The following RNMT variants were observed in gnomAD, a reference collection of about 807,000 sequenced individuals.
RNMT encodes the protein RNA guanine-7 methyltransferase.
Under a neutral mutation model 56.0 loss-of-function variants are expected in RNMT, and 27 were observed. The observed-to-expected ratio is 0.48, with a 90% CI of 0.36 to 0.67. The LOEUF (loss-of-function observed/expected upper bound fraction) is 0.67, where lower values mean the gene tolerates loss of function less well. Ranked by LOEUF, RNMT falls within the 30% of genes least tolerant of loss-of-function variation. The pLI is 0.00. For synonymous variants in RNMT, 184 were observed against 176.2 expected (o/e 1.04, Z -0.35); for missense variants, 519 against 552.1 (o/e 0.94, Z 0.60).
At position 13,763,779 on chromosome 18, in the gene RNMT, C is replaced by T. The variant is rs756007172; in HGVS notation, c.*3800C>T. The T allele has an allele frequency of 6.6e-6, 1 of 152,530 alleles. No individual in the cohort carries two copies. Among genetic ancestry groups the T allele is most frequent in the Non-Finnish European group, 1.5e-5 (1 of 68,266 alleles). The allele number at this position is 152,530 out of a possible 1,614,324, so 9.4% of individuals were successfully genotyped here. ...CCCTCCAAGTGCTTGTTATATACCTCCACGGGTGTCAGCCCAGATGACTCC... is the reference window on the plus strand; with the variant it reads ...CCCTCCAAGTGCTTGTTATATACCTTCACGGGTGTCAGCCCAGATGACTCC... On this transcript the variant is annotated 3_prime_UTR_variant, in exon 12 of 12. Coordinates refer to ENST00000383314, the MANE Select transcript of RNMT (RefSeq NM_003799.3).
chr18:13,729,800 G>T lies in RNMT; in HGVS notation c.-171-827G>T, dbSNP rs79039450. 4.1e-3 allele frequency among the ~76,000 whole-genome samples: 613 copies of T among 151,036 alleles called. 26 individuals are homozygous for T. The East Asian group carries it at 0.094, about 23-fold the overall frequency. Reference sequence around the variant, plus strand: ...TTTTAAGCACAAACACTTCCTTCATGAAAAAGCTTTTTTTTTTTAAGTGGG... The same window carrying T: ...TTTTAAGCACAAACACTTCCTTCATTAAAAAGCTTTTTTTTTTTAAGTGGG... On this transcript the variant is annotated intron_variant, in intron 1 of 11. Coordinates refer to ENST00000383314, the MANE Select transcript of RNMT (RefSeq NM_003799.3).
intron 9 of RNMT, among the ~76,000 whole-genome samples, chr18:13,751,428 C>G (rs573655922): frequency 3.3e-5 from 5 of 152,168 alleles, no homozygotes; most frequent in African/African-American, 1.2e-4. Context: ...TACCATCTCA[C>G]GCCAGTTAGA....
intron 8 of RNMT, among the ~76,000 whole-genome samples, chr18:13,744,262 C>T (rs2044313948): frequency 7.1e-6 from 1 of 140,206 alleles, no homozygotes; most frequent in African/African-American, 2.8e-5. Flanking sequence ...TTTATTGAAA[C>T]AGTATTGGAT....
chr18:13,727,957 T>C (rs2043990900), intron 1 of RNMT, among the ~76,000 whole-genome samples: 1 of 152,248 alleles, frequency 6.6e-6, no homozygotes, highest in African/African-American at 2.4e-5. Context: ...TTCCATTGTG[T>C]ATATATGCTA....
intron 2 of RNMT, among the ~76,000 whole-genome samples, chr18:13,730,960 A>G (rs1379764267): frequency 6.6e-6 from 1 of 152,244 alleles, no homozygotes; most frequent in African/African-American, 2.4e-5. Context: ...TTTAATGCCA[A>G]CAGTGACTTT....
At chr18:13,759,330 C>T (rs2044591660) in intron 11 of RNMT, among the ~76,000 whole-genome samples, 1 of 152,126 alleles carries the variant, frequency 6.6e-6, no homozygotes, top group African/African-American at 2.4e-5. Context: ...ATCCTAAATT[C>T]ATTTAGCTGT....
At chr18:13,751,545 G>A (rs2044447426) in intron 9 of RNMT, among the ~76,000 whole-genome samples, 2 of 152,200 alleles carry the variant, frequency 1.3e-5, no homozygotes. Context: ...CAACCATTGT[G>A]GAAGACAATG....
intron 9 of RNMT, among the ~76,000 whole-genome samples, chr18:13,749,316 C>A (rs553363945): frequency 3.8e-4 from 57 of 151,842 alleles, no homozygotes; most frequent in African/African-American, 1.3e-3. Context: ...AATTAAAGTT[C>A]AAAAAAAACT....
chr18:13,757,973 C>T (rs2044570535), intron 11 of RNMT, among the ~76,000 whole-genome samples: 1 of 152,212 alleles, frequency 6.6e-6, no homozygotes, highest in East Asian at 1.9e-4. Flanking sequence ...TCTCCTTGTA[C>T]ATCTTCATCA....
At position 13,761,568 on chromosome 18, in the gene RNMT, A is replaced by T; in HGVS notation, c.*1589A>T. On this transcript the variant is annotated 3_prime_UTR_variant, in exon 12 of 12. Coordinates refer to ENST00000383314, the MANE Select transcript of RNMT (RefSeq NM_003799.3). ...TGAAACCTCTTCCACGCCATGGGTA[A>T]CTTGGGGGAGAGAAGAATCCTCCAA... is the stretch of plus-strand genomic sequence containing the variant. 1 of 992,638 alleles carries T rather than the reference A, an allele frequency of 1.0e-6. No individual in the cohort carries two copies. Among genetic ancestry groups the T allele is most frequent in the Non-Finnish European group, 1.2e-6 (1 of 833,958 alleles). The allele number at this position is 992,638 out of a possible 1,614,324, so 61.5% of individuals were successfully genotyped here. A position where few individuals can be genotyped will look rare whatever the true frequency, so the allele number is the denominator to read the frequency against.
Position 13,759,997 on chromosome 18 carries a change from C to T in RNMT, c.*18C>T, listed in dbSNP as rs753834861. ...AGCAGTGAGCACATAGGCAGTAGTC[C>T]CAGAGGGGCCGTGTTCTGTCCTGCA... On this transcript the variant is annotated 3_prime_UTR_variant, in exon 12 of 12. Coordinates refer to ENST00000383314, the MANE Select transcript of RNMT (RefSeq NM_003799.3). The T allele has an allele frequency of 1.2e-6, 2 of 1,611,734 alleles. No individual in the cohort carries two copies. The highest frequency in any genetic ancestry group is 1.7e-6 in the Non-Finnish European group (2 of 1,178,646).
At chr18:13,737,400 G>A (rs1043737620) in intron 5 of RNMT, among the ~76,000 whole-genome samples, 1 of 151,994 alleles carries the variant, frequency 6.6e-6, no homozygotes, top group Non-Finnish European at 1.5e-5. Context: ...AAAATTAGCT[G>A]GGCATGGTGG....
rs2044051541 is a variant in RNMT at position 13,730,654 on chromosome 18, A to C, written c.-144A>C. On this transcript the variant is annotated 5_prime_UTR_variant, in exon 2 of 12. Coordinates refer to ENST00000383314, the MANE Select transcript of RNMT (RefSeq NM_003799.3). ...TGTGTGAACCTATTGGGTACTGTACAACTTCAAGCCTCGAAATCAGATAGG... is the reference window on the plus strand; with the variant it reads ...TGTGTGAACCTATTGGGTACTGTACCACTTCAAGCCTCGAAATCAGATAGG... 1 of 152,238 alleles carries C rather than the reference A, an allele frequency of 6.6e-6. No homozygotes were observed. The highest frequency in any genetic ancestry group is 1.5e-5 in the Non-Finnish European group (1 of 68,042). 9.4% of individuals were successfully genotyped at this position (152,238 alleles called of 1,614,324 possible). A position where few individuals can be genotyped will look rare whatever the true frequency, so the allele number is the denominator to read the frequency against.
intron 10 of RNMT, among the ~76,000 whole-genome samples, chr18:13,753,798 A>G (rs1389170935): frequency 1.5e-5 from 2 of 137,308 alleles, no homozygotes; most frequent in Non-Finnish European, 1.6e-5. Context: ...ATAATACAAG[A>G]TAGATGCATT....
In RNMT at chr18:13,740,157, A is replaced by T; in HGVS notation, c.680-10A>T. The stretch of plus-strand genomic sequence containing the variant: ...TGTTGATACTTACTAATACCCTTCC[A>T]TCCTTCCAGATATTGCCGATGTTTC... On this transcript the variant is annotated splice_polypyrimidine_tract_variant and intron_variant, in intron 5 of 11. Coordinates refer to ENST00000383314, the MANE Select transcript of RNMT (RefSeq NM_003799.3). The T allele has an allele frequency of 6.5e-7, 1 of 1,542,370 alleles. No homozygotes were observed. The highest frequency in any genetic ancestry group is 1.7e-4 in the Middle Eastern group (1 of 5,930).
chr18:13,759,552 T>C (rs1327783162), intron 11 of RNMT, among the ~76,000 whole-genome samples: 2 of 152,100 alleles, frequency 1.3e-5, no homozygotes, highest in East Asian at 3.8e-4. Context: ...TTCTAAAATA[T>C]CTTTAATATT....
chr18:13,748,695 C>T (rs1367109441), intron 9 of RNMT, among the ~76,000 whole-genome samples: 2 of 152,116 alleles, frequency 1.3e-5, no homozygotes, highest in African/African-American at 4.8e-5. Flanking sequence ...GGTCCTGACA[C>T]CTGTTTTCTT....
At chr18:13,755,060 G>C (rs1206812101) in intron 11 of RNMT, among the ~76,000 whole-genome samples, 1 of 152,176 alleles carries the variant, frequency 6.6e-6, no homozygotes, top group Non-Finnish European at 1.5e-5. Context: ...ATGGTTGTTG[G>C]TGATGTTGAG....
intron 3 of RNMT, among the ~76,000 whole-genome samples, chr18:13,734,131 C>T (rs377219912): frequency 6.6e-5 from 10 of 152,262 alleles, no homozygotes; most frequent in South Asian, 6.2e-4. Flanking sequence ...TCTTGCCTGC[C>T]GCCATGTAAG....
Sources: gnomAD v4.1 joint callset for allele counts (sites outside exome capture counted in the v4.1 genomes callset) on GRCh38, gnomAD v4.1.1 for gene constraint, MANE v1.5 for transcripts, NCBI Gene and HGNC (gene_info 2026-07-23, HGNC 2026-07-21) for gene names.